The following CLCNKA variants were observed in gnomAD, a reference collection of about 807,000 sequenced individuals.
CLCNKA encodes the protein chloride channel protein ClC-Ka.
In CLCNKA, 66 loss-of-function variants were observed where a neutral mutation model predicts 83.3. The observed-to-expected ratio is 0.79, with a 90% CI of 0.65 to 0.97. The LOEUF (loss-of-function observed/expected upper bound fraction) is 0.97. Among genes scored for constraint, CLCNKA ranks in the 50% least tolerant of loss-of-function variants. CLCNKA has a pLI of 0.00. For synonymous variants in CLCNKA, 357 were observed against 370.4 expected, an observed-to-expected ratio of 0.96 and a Z score of 0.42; for missense variants, 806 against 888.7, an observed-to-expected ratio of 0.91 and a Z score of 1.18.
chr1:16,028,936 C>G, intron 11 of CLCNKA, 91 bp downstream of exon 11: 1 of 1,529,086 alleles, frequency 6.5e-7, no homozygotes, highest in East Asian at 2.3e-5. Flanking sequence ...CAGCACCCCA[C>G]CAGGGTGACA....
At position 16,028,790 on chromosome 1, in the gene CLCNKA, T is replaced by A; in HGVS notation, c.998T>A (p.Leu333Ter). 1 of 1,614,130 alleles carries A rather than the reference T, an allele frequency of 6.2e-7. No individual in the cohort carries two copies. The change falls in exon 11 of 20, where the codon TTG becomes TAG. Residue 333 changes from leucine to a stop codon, truncating the protein, a stop_gained. Transcript: ENST00000331433. LOFTEE classifies it high-confidence loss of function. ...SKPVYSALATLLLASITYPPG... is the reference protein window; with the variant it reads ...SKPVYSALAT ...CCTGTGTACTCCGCTCTGGCCACCTTGCTTCTCGCCTCCATCACCTACCCG... is the reference window on the plus strand; with the variant it reads ...CCTGTGTACTCCGCTCTGGCCACCTAGCTTCTCGCCTCCATCACCTACCCG...
At position 16,028,744 on chromosome 1, in the gene CLCNKA, T is replaced by C. The variant is rs371609145; in HGVS notation, c.969-17T>C. 51 of 1,613,844 alleles carry C rather than the reference T, an allele frequency of 3.2e-5. No homozygotes were observed. The African/African-American group carries it at 6.5e-4, about 21-fold the overall frequency. On this transcript the variant is annotated splice_polypyrimidine_tract_variant and intron_variant, in intron 10 of 19. Transcript: ENST00000331433. ...GGAAAGGGAGGGCCAGCCCTAGAGC[T>C]CACCCACCCCCCACAGCAAGCCTGT...
chr1:16,027,387 T>G lies in CLCNKA; in HGVS notation c.733T>G (p.Cys245Gly). The G allele has an allele frequency of 6.2e-7, 1 of 1,614,078 alleles. No individual in the cohort carries two copies. Among genetic ancestry groups the G allele is most frequent in the East Asian group, 2.2e-5 (1 of 44,870 alleles). Reference sequence around the variant, plus strand: ...CTGGAGGGGCTTCTTTGCGGCCACCTGCGGGGCCTTCATATTCCGGCTCCT... The same window carrying G: ...CTGGAGGGGCTTCTTTGCGGCCACCGGCGGGGCCTTCATATTCCGGCTCCT... ...DYWRGFFAAT[C>G]GAFIFRLLAV... The change falls in exon 8 of 20, where the codon TGC becomes GGC. Residue 245 changes from cysteine (C) to glycine (G), a missense_variant. Transcript: ENST00000331433.
chr1:16,032,309 G>A lies in CLCNKA; in HGVS notation c.1845+18G>A, dbSNP rs767413114. On this transcript the variant is annotated intron_variant, in intron 17 of 19. Coordinates refer to ENST00000331433, the MANE Select transcript of CLCNKA (RefSeq NM_004070.4). ...GACACCAGGTGGTTACTCCTGAGGG[G>A]CGTGGGGATGGGGCGGGGGTGGGTC... is the stretch of plus-strand genomic sequence containing the variant. 2 of 1,572,752 alleles carry A rather than the reference G, an allele frequency of 1.3e-6. No homozygotes were observed. The highest frequency in any genetic ancestry group is 2.2e-5 in the South Asian group (2 of 90,008).
At chr1:16,027,496 C>T in intron 8 of CLCNKA, 61 bp downstream of exon 8, 3 of 1,604,114 alleles carry the variant, frequency 1.9e-6, no homozygotes, top group African/African-American at 2.7e-5. Context: ...GGGAGACCTC[C>T]CTTCTCCTCT....
intron 15 of CLCNKA, among the ~76,000 whole-genome samples, chr1:16,031,491 G>A (rs2022622967): frequency 2.0e-5 from 3 of 152,178 alleles, no homozygotes; most frequent in Admixed American, 1.3e-4. Flanking sequence ...TGGGGGACCA[G>A]GGGGTTGGGG....
chr1:16,022,819 T>G lies in CLCNKA; in HGVS notation c.100+100T>G, dbSNP rs952744619. 28 of 858,044 alleles carry G rather than the reference T, an allele frequency of 3.3e-5. 1 individual carries two copies. The Admixed American group carries it at 7.3e-4, about 23-fold the overall frequency. 53.2% of individuals were successfully genotyped at this position (858,044 alleles called of 1,614,324 possible). A position where few individuals can be genotyped will look rare whatever the true frequency, so the allele number is the denominator to read the frequency against. ...TCTCTGCCCAGGAACCACCCTCCTG[T>G]CATTTGTCCAGGACATGACTGCCCA... is the stretch of plus-strand genomic sequence containing the variant. On this transcript the variant is annotated intron_variant, in intron 2 of 19. Transcript: ENST00000331433.
chr1:16,026,397 T>A (rs2022348368), intron 5 of CLCNKA, 139 bp from the exon 6 acceptor site: 2 of 1,461,862 alleles, frequency 1.4e-6, no homozygotes, highest in African/African-American at 1.4e-5. Context: ...CCAGGCCAGG[T>A]CCCCAGTGTG....
At chr1:16,030,762 C>G in intron 15 of CLCNKA, 88 bp downstream of exon 15, 1 of 1,551,490 alleles carries the variant, frequency 6.4e-7, no homozygotes. Flanking sequence ...AAAGAAACAC[C>G]ACCGCAGCTG....
rs2022358548 is a variant in CLCNKA at position 16,026,587 on chromosome 1, C to T, written c.550C>T (p.Arg184Cys). 2 of 1,614,042 alleles carry T rather than the reference C, an allele frequency of 1.2e-6. No homozygotes were observed. The highest frequency in any genetic ancestry group is 1.6e-4 in the Middle Eastern group (1 of 6,062). Residue 184 changes from arginine to cysteine, a missense_variant, in exon 6 of 20, where the codon CGC becomes TGC. Transcript: ENST00000331433. ...GATCGCTGCCTACCTGGGCCGTGTG[C>T]GCACCACGACCATCGGGGAGCCTGA... ...VMIAAYLGRV[R>C]TTTIGEPENK...
At chr1:16,024,446 C>CCTTTAGTCTTTAATGT (rs2124021901) in intron 3 of CLCNKA, among the ~76,000 whole-genome samples, 2 of 152,306 alleles carry the variant, frequency 1.3e-5, no homozygotes, top group African/African-American at 4.8e-5. Context: ...TCTCAGTGGC[C>CCTTTAGTCTTTAATGT]CTTTAGTCTT....
Position 16,023,787 on chromosome 1 carries a change from T to C in CLCNKA, c.101-13T>C. 2 of 1,613,624 alleles carry C rather than the reference T, an allele frequency of 1.2e-6. No individual in the cohort carries two copies. The highest frequency in any genetic ancestry group is 8.5e-7 in the Non-Finnish European group (1 of 1,179,684). On this transcript the variant is annotated splice_polypyrimidine_tract_variant and intron_variant, in intron 2 of 19. Transcript: ENST00000331433. ...GCCCCAACATAAGCTGGGACTCCGA[T>C]ACCCTGCCCCAGGTGGCCTGGAGTG... is the stretch of plus-strand genomic sequence containing the variant.
chr1:16,026,471 G>GC (rs1156978567), intron 5 of CLCNKA, 65 bp from the exon 6 acceptor site: 1 of 1,602,330 alleles, frequency 6.2e-7, no homozygotes, highest in African/African-American at 1.4e-5. Flanking sequence ...TGGTGGGGAA[G>GC]CCGTGCTGCC....
intron 11 of CLCNKA, 43 bp from the exon 12 acceptor site, chr1:16,029,083 G>T (rs1294883716): frequency 1.3e-5 from 18 of 1,337,360 alleles, no homozygotes; most frequent in African/African-American, 1.7e-5. Context: ...GTCTGCCGCT[G>T]GGGGGGGCCC....
rs369239234 is a variant in CLCNKA, at chr1:16,030,320, G to T, written c.1409-141G>T. The stretch of plus-strand genomic sequence containing the variant: ...TCCTCTCACCAAGCCCAGGCCTTGG[G>T]GCACTTCCCACAGTGCCCAGGCTGT... On this transcript the variant is annotated intron_variant, in intron 14 of 19. Transcript: ENST00000331433. 124 of 1,103,200 alleles carry T rather than the reference G, an allele frequency of 1.1e-4. No homozygotes were observed. In the African/African-American group the frequency reaches 1.8e-3, roughly 16 times the overall value. The allele number at this position is 1,103,200 out of a possible 1,614,324, so 68.3% of individuals were successfully genotyped here.
At position 16,029,209 on chromosome 1, in the gene CLCNKA, C is replaced by G; in HGVS notation, c.1137C>G (p.Pro379=). ...LMTQNSSPPW[P]EELDPQHLWW... is the part of the protein sequence containing the mutation. ...CCCAGAACTCCAGCCCACCCTGGCC[C>G]GAGGAGCTCGACCCCCAGCACCTTT... The change falls in exon 12 of 20, where the codon CCC becomes CCG. Residue 379 remains proline (P), a synonymous_variant. Transcript: ENST00000331433. The G allele has an allele frequency of 1.1e-5, 18 of 1,613,586 alleles. No individual in the cohort carries two copies. The highest frequency in any genetic ancestry group is 1.5e-5 in the Non-Finnish European group (18 of 1,179,868).
rs1311848562 is a variant in CLCNKA at position 16,022,811 on chromosome 1, C to CCCT, written c.100+96_100+98dup. On this transcript the variant is annotated intron_variant, in intron 2 of 19. Coordinates refer to ENST00000331433, the MANE Select transcript of CLCNKA (RefSeq NM_004070.4). ...ACCCCACCTCTCTGCCCAGGAACCA[C>CCCT]CCTCCTGTCATTTGTCCAGGACATG... is the stretch of plus-strand genomic sequence containing the variant. The CCCT allele has an allele frequency of 3.1e-5, 28 of 907,068 alleles. 1 individual carries two copies. The Admixed American group carries it at 7.0e-4, about 23-fold the overall frequency. 56.2% of individuals were successfully genotyped at this position (907,068 alleles called of 1,614,324 possible).
chr1:16,027,001 A>T, intron 7 of CLCNKA: 1 of 657,046 alleles, frequency 1.5e-6, no homozygotes, highest in Non-Finnish European at 2.6e-6. Flanking sequence ...CATTACACAG[A>T]CTTGGGTTTG....
chr1:16,023,753 GTGCCCCTTGCCCCAACATA>G lies in CLCNKA; in HGVS notation c.101-46_101-28del, dbSNP rs779114886. ...CAGACCTCCAGGGAAGGGGCTGTCT[GTGCCCCTTGCCCCAACATA>G]AGCTGGGACTCCGATACCCTGCCCC... On this transcript the variant is annotated intron_variant, in intron 2 of 19. Coordinates refer to ENST00000331433, the MANE Select transcript of CLCNKA (RefSeq NM_004070.4). 5.6e-6 allele frequency: 9 copies of G among 1,610,956 alleles called. No homozygotes were observed. The African/African-American group carries it at 1.1e-4, about 19-fold the overall frequency.
Sources: gnomAD v4.1 joint callset for allele counts (sites outside exome capture counted in the v4.1 genomes callset) on GRCh38, gnomAD v4.1.1 for gene constraint, MANE v1.5 for transcripts, NCBI Gene and HGNC (gene_info 2026-07-23, HGNC 2026-07-21) for gene names.